The following NPAS3 variants were observed in gnomAD, a reference collection of about 807,000 sequenced individuals.
The protein encoded by NPAS3 is neuronal PAS domain protein 3.
Under a neutral mutation model 73.1 loss-of-function variants are expected in NPAS3, and 14 were observed. That is an observed-to-expected ratio of 0.19 (90% confidence interval 0.13 to 0.30). NPAS3 has a LOEUF of 0.30. NPAS3 is among the 10% of genes least tolerant of loss of function. The probability of loss-of-function intolerance (pLI) is 1.00; values close to 1 mark genes in which losing one functional copy is unlikely to be tolerated. For missense variants in NPAS3, 1,096 were observed against 1,250.0 expected, an observed-to-expected ratio of 0.88 and a Z score of 1.86; for synonymous variants, 620 against 541.5, an observed-to-expected ratio of 1.14 and a Z score of -2.01.
At chr14:33,170,104 A>G (rs1267688395) in intron 2 of NPAS3, among the ~76,000 whole-genome samples, 1 of 152,192 alleles carries the variant, frequency 6.6e-6, no homozygotes, top group East Asian at 1.9e-4. Flanking sequence ...TTAAAACACA[A>G]AACTATCTCT....
At chr14:33,362,215 A>G (rs1473225386) in intron 3 of NPAS3, among the ~76,000 whole-genome samples, 1 of 152,090 alleles carries the variant, frequency 6.6e-6, no homozygotes, top group East Asian at 1.9e-4. Context: ...AGCCATGCAC[A>G]GATACTGAGG....
At chr14:33,263,315 T>A (rs2049043259) in intron 3 of NPAS3, among the ~76,000 whole-genome samples, 1 of 152,218 alleles carries the variant, frequency 6.6e-6, no homozygotes, top group African/African-American at 2.4e-5. Flanking sequence ...AAGGAAGGGA[T>A]CCAGTTTCAG....
At chr14:33,761,488 G>A (rs1303109118) in intron 7 of NPAS3, among the ~76,000 whole-genome samples, 1 of 149,362 alleles carries the variant, frequency 6.7e-6, no homozygotes, top group African/African-American at 2.5e-5. Flanking sequence ...TTTTAAAGGG[G>A]ACTTCAAACA....
At chr14:32,964,160 T>TAAAAA (rs34380538) in intron 1 of NPAS3, among the ~76,000 whole-genome samples, 57 of 75,418 alleles carry the variant, frequency 7.6e-4, no homozygotes, top group East Asian at 5.5e-3. Flanking sequence ...TTTGCTGCAC[T>TAAAAA]AAAAAAAAAA....
At chr14:33,598,594 A>G (rs1444566690) in intron 5 of NPAS3, among the ~76,000 whole-genome samples, 2 of 152,200 alleles carry the variant, frequency 1.3e-5, no homozygotes, top group Admixed American at 6.5e-5. Flanking sequence ...AAACTTGCAT[A>G]TGTTAGGCTA....
chr14:33,297,949 T>G (rs139587743), intron 3 of NPAS3, among the ~76,000 whole-genome samples: 1 of 152,312 alleles, frequency 6.6e-6, no homozygotes, highest in East Asian at 1.9e-4. Context: ...ACTGGAGATT[T>G]AATCATACAC....
chr14:33,561,191 C>T (rs2055632529), intron 5 of NPAS3, among the ~76,000 whole-genome samples: 1 of 152,174 alleles, frequency 6.6e-6, no homozygotes, highest in Non-Finnish European at 1.5e-5. Flanking sequence ...TAAAGCAGGA[C>T]CTACCCCAGA....
intron 7 of NPAS3, among the ~76,000 whole-genome samples, chr14:33,748,971 T>G (rs2061882671): frequency 6.6e-6 from 1 of 152,170 alleles, no homozygotes; most frequent in Non-Finnish European, 1.5e-5. Flanking sequence ...TTTGAGAATC[T>G]GAAATATTCT....
At chr14:33,356,871 G>A (rs74042069) in intron 3 of NPAS3, among the ~76,000 whole-genome samples, 1,585 of 152,272 alleles carry the variant, frequency 0.01, 31 homozygotes, top group African/African-American at 0.037. Context: ...CTAAATAATA[G>A]GTCTTCAAGT....
intron 8 of NPAS3, among the ~76,000 whole-genome samples, chr14:33,777,061 A>T (rs552709461): frequency 6.6e-6 from 1 of 152,312 alleles, no homozygotes; most frequent in East Asian, 1.9e-4. Flanking sequence ...TTGCTCCTTG[A>T]CTCTGCAGAC....
At chr14:33,138,049 C>T (rs955063080) in intron 2 of NPAS3, among the ~76,000 whole-genome samples, 2 of 123,034 alleles carry the variant, frequency 1.6e-5, no homozygotes, top group Non-Finnish European at 3.4e-5. Context: ...CATAATCTAT[C>T]ACTTTTTTTT....
intron 9 of NPAS3, among the ~76,000 whole-genome samples, chr14:33,787,686 A>T (rs2063221137): frequency 6.6e-6 from 1 of 152,112 alleles, no homozygotes; most frequent in African/African-American, 2.4e-5. Flanking sequence ...TCTATAGAAA[A>T]GTCTGCACAG....
intron 6 of NPAS3, among the ~76,000 whole-genome samples, chr14:33,687,589 A>T (rs777686371): frequency 3.7e-4 from 56 of 152,230 alleles, no homozygotes; most frequent in Non-Finnish European, 6.3e-4. Context: ...GTTAGTCAAA[A>T]TTAGGTAGAA....
intron 5 of NPAS3, among the ~76,000 whole-genome samples, chr14:33,668,536 G>A (rs1482553782): frequency 1.3e-5 from 2 of 152,128 alleles, no homozygotes; most frequent in East Asian, 1.9e-4. Context: ...TAAGAGCTGG[G>A]CTGGCGAGGT....
intron 3 of NPAS3, among the ~76,000 whole-genome samples, chr14:33,273,413 C>T (rs1055038770): frequency 4.6e-5 from 7 of 152,168 alleles, no homozygotes; most frequent in African/African-American, 1.7e-4. Flanking sequence ...AATCCTGACT[C>T]TGCTCTTTAT....
intron 7 of NPAS3, among the ~76,000 whole-genome samples, chr14:33,771,703 C>G (rs12437181): frequency 0.053 from 8,064 of 151,928 alleles, 383 homozygotes; most frequent in Admixed American, 0.13. Context: ...CCCAGCTACT[C>G]AGGAGGCTGA....
intron 2 of NPAS3, among the ~76,000 whole-genome samples, chr14:33,112,037 T>C (rs1595471573): frequency 6.6e-6 from 1 of 152,188 alleles, no homozygotes; most frequent in South Asian, 2.1e-4. Flanking sequence ...CCATGGTGTA[T>C]ATATGCCACA....
At chr14:33,247,979 A>G (rs1049961042) in intron 3 of NPAS3, among the ~76,000 whole-genome samples, 3 of 152,226 alleles carry the variant, frequency 2.0e-5, no homozygotes, top group Non-Finnish European at 4.4e-5. Context: ...TTTTCACGGT[A>G]TAGTTTAGCT....
chr14:33,165,750 G>A (rs913800440), intron 2 of NPAS3, among the ~76,000 whole-genome samples: 3 of 151,514 alleles, frequency 2.0e-5, no homozygotes, highest in South Asian at 2.1e-4. Flanking sequence ...GAAAGAATGT[G>A]CACCATTTAC....
Sources: allele counts gnomAD v4.1 joint callset (sites outside exome capture counted in the v4.1 genomes callset), GRCh38; gene constraint gnomAD v4.1.1; transcripts MANE v1.5; gene names NCBI Gene and HGNC (gene_info 2026-07-23, HGNC 2026-07-21).